DCDC1: variants seen among roughly 807,000 people sequenced by gnomAD.
DCDC1 encodes doublecortin domain-containing protein 1.
DCDC1 carries 200 observed loss-of-function variants against 178.3 expected under a neutral mutation model. That is an observed-to-expected ratio of 1.12 (90% CI 1.00 to 1.26). DCDC1 has a LOEUF of 1.26. Ranked by LOEUF, DCDC1 falls within the 50% of genes most tolerant of loss-of-function variation. The pLI is 0.00. For synonymous variants in DCDC1, 690 were observed against 604.8 expected (o/e 1.14, Z -2.07); for missense variants, 1,983 against 1,749.2 (o/e 1.13, Z -2.38).
intron 1 of DCDC1, among the ~76,000 whole-genome samples, chr11:31,340,296 C>A (rs1432203771): frequency 6.6e-6 from 1 of 152,000 alleles, no homozygotes; most frequent in East Asian, 1.9e-4. Flanking sequence ...GCAGTGAGAC[C>A]TTGGAAGAAA....
intron 9 of DCDC1, among the ~76,000 whole-genome samples, chr11:31,208,504 G>A (rs139717019): frequency 2.6e-4 from 39 of 152,164 alleles, no homozygotes; most frequent in African/African-American, 7.0e-4. Context: ...GTCTGTCTCC[G>A]CTCATCCTAC....
chr11:31,309,254 A>T (rs1454562195), intron 3 of DCDC1, among the ~76,000 whole-genome samples: 1 of 151,980 alleles, frequency 6.6e-6, no homozygotes, highest in African/African-American at 2.4e-5. Flanking sequence ...TTATCATCAC[A>T]TGTTTCTATC....
intron 1 of DCDC1, among the ~76,000 whole-genome samples, chr11:31,355,950 G>C (rs115990928): frequency 0.014 from 2,087 of 152,162 alleles, 41 homozygotes; most frequent in African/African-American, 0.048. Context: ...AGGGAAGAGT[G>C]CCCCAAGGTG....
intron 20 of DCDC1, among the ~76,000 whole-genome samples, chr11:31,063,154 C>T (rs1224493087): frequency 6.6e-6 from 1 of 152,120 alleles, no homozygotes; most frequent in East Asian, 1.9e-4. Flanking sequence ...CAATGAGATA[C>T]CATCTCACAC....
At chr11:31,171,083 C>A (rs1967165042) in intron 9 of DCDC1, among the ~76,000 whole-genome samples, 1 of 152,142 alleles carries the variant, frequency 6.6e-6, no homozygotes, top group Non-Finnish European at 1.5e-5. Context: ...CCCCCTTGGC[C>A]TCCCAAAGTG....
intron 20 of DCDC1, among the ~76,000 whole-genome samples, chr11:31,037,710 G>A (rs1297036840): frequency 3.9e-5 from 6 of 151,942 alleles, no homozygotes; most frequent in African/African-American, 1.2e-4. Context: ...TGATCCACCC[G>A]CCTCGGCCTC....
chr11:30,916,056 C>T (rs927300206), intron 26 of DCDC1, among the ~76,000 whole-genome samples: 5 of 152,028 alleles, frequency 3.3e-5, no homozygotes, highest in African/African-American at 7.3e-5. Context: ...GGGGCAGGGG[C>T]ATGTAGAATA....
At chr11:31,018,489 T>G (rs1468763239) in intron 20 of DCDC1, among the ~76,000 whole-genome samples, 1 of 152,192 alleles carries the variant, frequency 6.6e-6, no homozygotes, top group Non-Finnish European at 1.5e-5. Context: ...AGGTTCGTCC[T>G]TTTATGTTTG....
At chr11:31,172,814 C>A (rs1386931231) in intron 9 of DCDC1, among the ~76,000 whole-genome samples, 1 of 152,100 alleles carries the variant, frequency 6.6e-6, no homozygotes, top group Non-Finnish European at 1.5e-5. Flanking sequence ...ACAAGAGGTT[C>A]ATCTTGTTAA....
At chr11:31,225,476 A>G (rs2136708860) in intron 9 of DCDC1, among the ~76,000 whole-genome samples, 1 of 151,980 alleles carries the variant, frequency 6.6e-6, no homozygotes, top group African/African-American at 2.4e-5. Context: ...TCAAGAACTT[A>G]TCCATGTAAC....
chr11:31,243,124 AAAATATAAGATCAT>A lies in DCDC1; in HGVS notation c.1055-1522_1055-1509del, dbSNP rs565724386. Among the ~76,000 whole-genome samples the A allele has an allele frequency of 6.0e-3, 918 of 151,878 alleles. 8 individuals carry two copies. Among genetic ancestry groups the A allele is most frequent in the African/African-American group, 0.021 (875 of 41,528 alleles). On this transcript the variant is annotated intron_variant, in intron 8 of 38. Transcript: ENST00000684477. ...TTATAACAAACAACTCAAACTTAAA[AAAATATAAGATCAT>A]AAATATTATAAAAGCAATAAAAATT...
chr11:30,957,119 A>G (rs986435102), intron 20 of DCDC1, among the ~76,000 whole-genome samples: 2 of 152,060 alleles, frequency 1.3e-5, no homozygotes, highest in African/African-American at 4.8e-5. Context: ...TTGAAGGCCA[A>G]TACTTGTGCT....
At chr11:31,104,834 AT>A (rs1958746267) in intron 13 of DCDC1, among the ~76,000 whole-genome samples, 1 of 152,094 alleles carries the variant, frequency 6.6e-6, no homozygotes, top group Non-Finnish European at 1.5e-5. Flanking sequence ...AACTCTTTAA[AT>A]TGGTGAATCT....
intron 20 of DCDC1, among the ~76,000 whole-genome samples, chr11:30,998,260 C>A (rs1332329131): frequency 6.6e-6 from 1 of 152,004 alleles, no homozygotes; most frequent in Non-Finnish European, 1.5e-5. Context: ...CCACTGCACT[C>A]CAGCCTGGGC....
At position 31,265,538 on chromosome 11, in the gene DCDC1, C is replaced by A. The variant is rs145398981; in HGVS notation, c.1023G>T (p.Leu341Phe). Residue 341 changes from leucine to phenylalanine, a missense_variant, in exon 8 of 39, where the codon TTG becomes TTT. Transcript: ENST00000684477. ...AAATATCTTCAATTTTTCTGCCATA[C>A]AAATCATAAAAATATCTGGCTGGTA... Reference protein sequence around the residue: ...LNLPARYFYDLYGRKIEDISK... With the variant: ...LNLPARYFYDFYGRKIEDISK... 53 of 1,450,032 alleles carry A rather than the reference C, an allele frequency of 3.7e-5. No homozygotes were observed. The highest frequency in any genetic ancestry group is 4.8e-5 in the Non-Finnish European group (53 of 1,096,110). The allele number at this position is 1,450,032 out of a possible 1,614,324, so 89.8% of individuals were successfully genotyped here.
At chr11:31,062,456 C>A (rs1484210260) in intron 20 of DCDC1, among the ~76,000 whole-genome samples, 1 of 152,086 alleles carries the variant, frequency 6.6e-6, no homozygotes, top group Non-Finnish European at 1.5e-5. Flanking sequence ...GGCTGCTCAG[C>A]CTGTGGTCCT....
intron 9 of DCDC1, among the ~76,000 whole-genome samples, chr11:31,170,019 T>C (rs1967011386): frequency 3.3e-5 from 5 of 152,116 alleles, no homozygotes; most frequent in Admixed American, 3.3e-4. Context: ...GGTGAGAGAC[T>C]GTTGTGAGGC....
intron 16 of DCDC1, among the ~76,000 whole-genome samples, 199 bp from the exon 17 acceptor site, chr11:31,091,710 G>A (rs1333414098): frequency 6.6e-6 from 1 of 152,118 alleles, no homozygotes; most frequent in South Asian, 2.1e-4. Context: ...AACAAGGGTG[G>A]CATTTTACAG....
At chr11:30,925,438 G>A in intron 22 of DCDC1, 30 bp from the exon 23 acceptor site, 4 of 1,592,834 alleles carry the variant, frequency 2.5e-6, no homozygotes, top group Non-Finnish European at 3.4e-6. Context: ...AATTGACCTT[G>A]CATACAGAAA....
Sources: allele counts gnomAD v4.1 joint callset (sites outside exome capture counted in the v4.1 genomes callset), GRCh38; gene constraint gnomAD v4.1.1; transcripts MANE v1.5; gene names NCBI Gene and HGNC (gene_info 2026-07-23, HGNC 2026-07-21).